Variants in HDAC5 observed in about 807,000 individuals in gnomAD.
The protein encoded by HDAC5 is histone deacetylase 5, also known as antigen NY-CO-9.
Under a neutral mutation model 133.3 loss-of-function variants are expected in HDAC5, and 25 were observed. The ratio of observed to expected loss-of-function variants is 0.19; its 90% CI spans 0.14 to 0.26. The LOEUF (loss-of-function observed/expected upper bound fraction) is 0.26, where lower values mean the gene tolerates loss of function less well. HDAC5 is among the 10% of genes least tolerant of loss of function. HDAC5 has a pLI of 1.00. For missense variants in HDAC5, 1,041 were observed against 1,460.5 expected (o/e 0.71, Z 4.68); for synonymous variants, 589 against 610.8 (o/e 0.96, Z 0.53).
At position 44,085,145 on chromosome 17, in the gene HDAC5, G is replaced by A. The variant is rs1285714519; in HGVS notation, c.2061C>T (p.Tyr687=). 2 of 1,594,782 alleles carry A rather than the reference G, an allele frequency of 1.3e-6. No individual in the cohort carries two copies. The highest frequency in any genetic ancestry group is 1.7e-6 in the Non-Finnish European group (2 of 1,164,108). ...VKHLFTTGVV[Y]DTFMLKHQCM... ...ACTGGTGCTTTAGCATGAACGTGTCGTAGACCACACCTGGGCCACAGACCT... is the reference window on the plus strand; with the variant it reads ...ACTGGTGCTTTAGCATGAACGTGTCATAGACCACACCTGGGCCACAGACCT... Residue 687 remains tyrosine (Y), a synonymous_variant, in exon 15 of 27, where the codon TAC becomes TAT. Coordinates refer to ENST00000682912, the MANE Select transcript of HDAC5 (RefSeq NM_005474.5).
chr17:44,102,868 G>T (rs546725153), intron 3 of HDAC5, among the ~76,000 whole-genome samples: 1 of 151,270 alleles, frequency 6.6e-6, no homozygotes, highest in Non-Finnish European at 1.5e-5. Context: ...GGGTTTCACC[G>T]TGTTAGCCAG....
chr17:44,085,308 GC>G lies in HDAC5; in HGVS notation c.2051-154del, dbSNP rs1347495399. 3 of 595,610 alleles carry G rather than the reference GC, an allele frequency of 5.0e-6. No individual in the cohort carries two copies. In the African/African-American group the frequency reaches 5.8e-5, roughly 11 times the overall value. The allele number at this position is 595,610 out of a possible 1,614,324, so 36.9% of individuals were successfully genotyped here. A position where few individuals can be genotyped will look rare whatever the true frequency, so the allele number is the denominator to read the frequency against. On this transcript the variant is annotated intron_variant, in intron 14 of 26. Transcript: ENST00000682912. Reference sequence around the variant, plus strand: ...ACTGCAGCCACCCTGCCACAAACCTGCCCCCTCTCCTCTCCAGCTTTTTTTT... The same window carrying G: ...ACTGCAGCCACCCTGCCACAAACCTGCCCCTCTCCTCTCCAGCTTTTTTTT...
At chr17:44,116,623 G>A (rs930746993) in intron 2 of HDAC5, among the ~76,000 whole-genome samples, 1 of 152,140 alleles carries the variant, frequency 6.6e-6, no homozygotes, top group Admixed American at 6.5e-5. Flanking sequence ...AGTTGAGCAA[G>A]ATGGACCTTT....
rs1212444004 is a variant in HDAC5, at chr17:44,116,005, T to C, written c.22+1489A>G. 3.3e-5 allele frequency: 5 copies of C among 152,262 alleles called. No individual in the cohort carries two copies. The East Asian group carries it at 9.6e-4, about 29-fold the overall frequency. 9.4% of individuals were successfully genotyped at this position (152,262 alleles called of 1,614,324 possible). ...GCCAGCATCTGGAAAGGTAACCCAA[T>C]AACTTCATCTATCCTGGGTTGATTA... On this transcript the variant is annotated intron_variant, in intron 2 of 26. Coordinates refer to ENST00000682912, the MANE Select transcript of HDAC5 (RefSeq NM_005474.5).
At position 44,091,438 on chromosome 17, in the gene HDAC5, G is replaced by C. The variant is rs1334860928; in HGVS notation, c.1219C>G (p.Leu407Val). The C allele has an allele frequency of 1.9e-6, 3 of 1,548,854 alleles. No individual in the cohort carries two copies. Among genetic ancestry groups the C allele is most frequent in the Non-Finnish European group, 2.6e-6 (3 of 1,148,400 alleles). Reference sequence around the variant, plus strand: ...CCGGTCAGCGTGCCACCCTGCCGCAGGGACTGGAGGGCCTGCCTCTCGGCC... The same window carrying C: ...CCGGTCAGCGTGCCACCCTGCCGCACGGACTGGAGGGCCTGCCTCTCGGCC... ...QEAERQALQS[L>V]RQGGTLTGKF... The change falls in exon 11 of 27, where the codon CTG becomes GTG. Residue 407 changes from leucine (L) to valine (V), a missense_variant. Leu to Val is a conservative substitution (Grantham distance 32, BLOSUM62 1). Around this residue, in one of 9 missense-constraint regions of HDAC5, gnomAD observed 433 missense variants for 531.6 expected, o/e 0.81. Transcript: ENST00000682912.
At chr17:44,111,003 C>CGGCCTGGGCACTCCT in intron 2 of HDAC5, 1 of 570,148 alleles carries the variant, frequency 1.8e-6, no homozygotes, top group South Asian at 1.9e-5. Flanking sequence ...GTGCCTCATC[C>CGGCCTGGGCACTCCT]GGCCTGGGCA....
At chr17:44,091,659 T>C in intron 10 of HDAC5, 41 bp downstream of exon 10, 1 of 1,519,670 alleles carries the variant, frequency 6.6e-7, no homozygotes, top group Non-Finnish European at 8.8e-7. Flanking sequence ...ACCTGTGACC[T>C]CAACACCAGA....
Position 44,123,551 on chromosome 17 carries a change from G to A in HDAC5, c.-237C>T. ...TTCGCGGGCGGCGGCGGCAGCAGCG[G>A]CGGCGGCAGCGGCGGCAGCACCTCC... On this transcript the variant is annotated 5_prime_UTR_variant, in exon 1 of 27. Transcript: ENST00000682912. The A allele has an allele frequency of 2.5e-6, 1 of 400,890 alleles. No individual in the cohort carries two copies. The highest frequency in any genetic ancestry group is 4.4e-6 in the Non-Finnish European group (1 of 228,888). The allele number at this position is 400,890 out of a possible 1,614,324, so 24.8% of individuals were successfully genotyped here.
In HDAC5 at chr17:44,078,381, G is replaced by A; in HGVS notation, c.3364C>T (p.Leu1122=). ...AEEPMEQEPA[L] ...GAGGGATGGGGGCCGGGGCGTCACA[G>A]GGCAGGCTCCTGCTCCATGGGCTCC... Residue 1122 remains leucine, a synonymous_variant, in exon 27 of 27, where the codon CTG becomes TTG. Transcript: ENST00000682912. 6.6e-7 allele frequency: 1 copy of A among 1,523,754 alleles called. No homozygotes were observed. Among genetic ancestry groups the A allele is most frequent in the Non-Finnish European group, 8.8e-7 (1 of 1,137,530 alleles). The allele number at this position is 1,523,754 out of a possible 1,614,324, so 94.4% of individuals were successfully genotyped here.
At position 44,082,621 on chromosome 17, in the gene HDAC5, C is replaced by T. The variant is rs140165224; in HGVS notation, c.2571G>A (p.Gln857=). ...TGAGGACCTTGCCCACGTTCAACTTCTGCTGTAGGAGTTTTGCGGTGATGG... is the reference window on the plus strand; with the variant it reads ...TGAGGACCTTGCCCACGTTCAACTTTTGCTGTAGGAGTTTTGCGGTGATGG... The part of the protein sequence containing the change: ...SVAITAKLLQ[Q]KLNVGKVLIV... Residue 857 remains glutamine, a synonymous_variant, in exon 20 of 27, where the codon CAG becomes CAA. Transcript: ENST00000682912. 4.3e-6 allele frequency: 7 copies of T among 1,614,046 alleles called. No homozygotes were observed. Among genetic ancestry groups the T allele is most frequent in the Admixed American group, 3.3e-5 (2 of 59,996 alleles).
chr17:44,088,673 C>A, intron 11 of HDAC5, 75 bp from the exon 12 acceptor site: 2 of 1,531,258 alleles, frequency 1.3e-6, no homozygotes, highest in Admixed American at 1.9e-5. Context: ...CTGCATCTTG[C>A]CCCCACAACC....
chr17:44,080,221 C>G lies in HDAC5; in HGVS notation c.2830G>C (p.Val944Leu), dbSNP rs1255871875. The G allele has an allele frequency of 2.2e-5, 36 of 1,613,192 alleles. No homozygotes were observed. Among genetic ancestry groups the G allele is most frequent in the Non-Finnish European group, 3.1e-5 (36 of 1,179,228 alleles). Residue 944 changes from valine to leucine, a missense_variant, in exon 23 of 27, where the codon GTG becomes CTG. Transcript: ENST00000682912. ...AACTCGTGGGCAATGGGCATCACCA[C>G]TGTCCTGCAAAGGGATGGCTCAAGC... The part of the protein sequence containing the change: ...DVEYLTAFRT[V>L]VMPIAHEFSP...
At chr17:44,116,779 C>A (rs2052673818) in intron 2 of HDAC5, among the ~76,000 whole-genome samples, 1 of 152,152 alleles carries the variant, frequency 6.6e-6, no homozygotes, top group African/African-American at 2.4e-5. Context: ...CCAGACCCAG[C>A]TGCACATCAA....
rs774043023 is a variant in HDAC5, at chr17:44,091,376, C to G, written c.1281G>C (p.Leu427=). Residue 427 remains leucine, a synonymous_variant, in exon 11 of 27, where the codon CTG becomes CTC. Coordinates refer to ENST00000682912, the MANE Select transcript of HDAC5 (RefSeq NM_005474.5). ...FMSTSSIPGC[L]LGVALEGDGS... ...CGTCGCCCTCCAGTGCCACGCCCAGCAGGCAGCCAGGAATAGAGGATGTGC... is the reference window on the plus strand; with the variant it reads ...CGTCGCCCTCCAGTGCCACGCCCAGGAGGCAGCCAGGAATAGAGGATGTGC... 2 of 1,591,290 alleles carry G rather than the reference C, an allele frequency of 1.3e-6. No individual in the cohort carries two copies. Among genetic ancestry groups the G allele is most frequent in the Non-Finnish European group, 1.7e-6 (2 of 1,169,008 alleles).
At chr17:44,080,257 A>AG in intron 22 of HDAC5, 32 bp from the exon 23 acceptor site, 1 of 1,590,908 alleles carries the variant, frequency 6.3e-7, no homozygotes, top group Non-Finnish European at 8.6e-7. Flanking sequence ...TGAGCCCGGC[A>AG]GATGACCAGG....
At chr17:44,116,649 G>A (rs1743600002) in intron 2 of HDAC5, among the ~76,000 whole-genome samples, 2 of 152,066 alleles carry the variant, frequency 1.3e-5, no homozygotes, top group Admixed American at 1.3e-4. Context: ...TGTGTGGAAG[G>A]AGACACCCGA....
chr17:44,104,393 C>T (rs560422548), intron 3 of HDAC5, among the ~76,000 whole-genome samples: 13 of 152,334 alleles, frequency 8.5e-5, no homozygotes, highest in African/African-American at 3.1e-4. Flanking sequence ...GCCAACTTCA[C>T]AGACCACCTG....
In HDAC5 at chr17:44,112,908, T is replaced by C. The variant is rs115920594; in HGVS notation, c.23-2108A>G. 6.8e-3 allele frequency among the ~76,000 whole-genome samples: 1,031 copies of C among 152,294 alleles called. 9 individuals carry two copies. Among genetic ancestry groups the C allele is most frequent in the African/African-American group, 0.024 (980 of 41,552 alleles). On this transcript the variant is annotated intron_variant, in intron 2 of 26. Coordinates refer to ENST00000682912, the MANE Select transcript of HDAC5 (RefSeq NM_005474.5). ...TACTCCCTCAGAGGCCTAGTGCTGG[T>C]GGACATTCAGGGTATGGCTGGGGAT...
In HDAC5 at chr17:44,091,476, G is replaced by A. The variant is rs761873905; in HGVS notation, c.1181C>T (p.Ser394Leu). The change falls in exon 11 of 27, where the codon TCG becomes TTG. Residue 394 changes from serine to leucine, a missense_variant. Ser to Leu is a moderately radical substitution (Grantham distance 145). This residue lies in a region of HDAC5 where 433 missense variants were observed against 531.6 expected (regional missense o/e 0.81). Transcript: ENST00000682912. ...NSHLTASPKL[S>L]TQQEAERQAL... ...CTGCCTCTCGGCCTCCTGCTGTGTC[G>A]ACAGCTTCGGGGAGGCCTGGGGGGT... 42 of 1,545,038 alleles carry A rather than the reference G, an allele frequency of 2.7e-5. No individual in the cohort carries two copies. Among genetic ancestry groups the A allele is most frequent in the African/African-American group, 1.2e-4 (9 of 72,800 alleles).
Sources: allele counts gnomAD v4.1 joint callset (sites outside exome capture counted in the v4.1 genomes callset), GRCh38; gene constraint gnomAD v4.1.1; regional missense constraint gnomAD v4.1.1; transcripts MANE v1.5; gene names NCBI Gene and HGNC (gene_info 2026-07-23, HGNC 2026-07-21).